The following SPHKAP variants were observed in gnomAD, a reference collection of about 807,000 sequenced individuals.
SPHKAP encodes SPHK1 interactor, AKAP domain containing, also known as A-kinase anchor protein SPHKAP.
SPHKAP carries 67 observed loss-of-function variants against 137.5 expected under a neutral mutation model. That is an observed-to-expected ratio of 0.49 (90% CI 0.40 to 0.60). The LOEUF (loss-of-function observed/expected upper bound fraction) is 0.60. Ranked by LOEUF, SPHKAP falls within the 20% of genes least tolerant of loss-of-function variation. The probability of loss-of-function intolerance (pLI) is 0.00; values close to 1 mark genes in which losing one functional copy is unlikely to be tolerated. For synonymous variants in SPHKAP, 813 were observed against 785.3 expected (o/e 1.04, Z -0.59); for missense variants, 2,097 against 2,069.3 (o/e 1.01, Z -0.26).
chr2:228,000,526 G>A (rs1693815885), intron 7 of SPHKAP, among the ~76,000 whole-genome samples: 1 of 152,066 alleles, frequency 6.6e-6, no homozygotes, highest in African/African-American at 2.4e-5. Flanking sequence ...GCTGAGGCAG[G>A]AGAATCGCTT....
rs564397810 is a variant in SPHKAP at position 228,033,636 on chromosome 2, A to T, written c.247-6093T>A. 6.6e-5 allele frequency among the ~76,000 whole-genome samples: 10 copies of T among 152,294 alleles called. No homozygotes were observed. The East Asian group carries it at 1.9e-3, about 29-fold the overall frequency. ...TTGACCATATAGTTGGAAGTAAAGC[A>T]TTCCTCAGCAAATGTAAAAGAACAG... is the stretch of plus-strand genomic sequence containing the variant. On this transcript the variant is annotated intron_variant, in intron 3 of 11. Transcript: ENST00000392056.
At chr2:228,045,452 C>T (rs1435948830) in intron 3 of SPHKAP, among the ~76,000 whole-genome samples, 2 of 147,940 alleles carry the variant, frequency 1.4e-5, no homozygotes, top group East Asian at 3.9e-4. Flanking sequence ...TTTGTAGGGA[C>T]ATGGATGAAG....
intron 3 of SPHKAP, among the ~76,000 whole-genome samples, chr2:228,069,096 G>A (rs1034920685): frequency 1.1e-4 from 16 of 152,160 alleles, no homozygotes; most frequent in East Asian, 7.8e-4. Flanking sequence ...GCAAAACCCC[G>A]TCTCTACTAA....
chr2:228,147,877 A>G (rs572640375), intron 1 of SPHKAP, among the ~76,000 whole-genome samples: 1 of 152,270 alleles, frequency 6.6e-6, no homozygotes, highest in South Asian at 2.1e-4. Flanking sequence ...CAGGCTTAGC[A>G]TTTACTCAGT....
Position 228,017,781 on chromosome 2 carries a change from A to C in SPHKAP, c.3073T>G (p.Ser1025Ala). 1 of 1,613,908 alleles carries C rather than the reference A, an allele frequency of 6.2e-7. No individual in the cohort carries two copies. Among genetic ancestry groups the C allele is most frequent in the South Asian group, 1.1e-5 (1 of 91,060 alleles). Residue 1025 changes from serine to alanine, a missense_variant, in exon 7 of 12, where the codon TCC becomes GCC. Ser to Ala is a moderately conservative substitution (Grantham distance 99, BLOSUM62 1). Transcript: ENST00000392056. ...TCTGGGACATCTTCAAGGTTCATGGACTCATCCACAACCCTGTTCATCAGC... is the reference window on the plus strand; with the variant it reads ...TCTGGGACATCTTCAAGGTTCATGGCCTCATCCACAACCCTGTTCATCAGC... ...EKLMNRVVDE[S>A]MNLEDVPDSV...
At chr2:228,089,915 G>A (rs1469925938) in intron 3 of SPHKAP, among the ~76,000 whole-genome samples, 1 of 152,206 alleles carries the variant, frequency 6.6e-6, no homozygotes. Flanking sequence ...GGTACCCAGA[G>A]GCAGAAGGCC....
At chr2:227,985,304 G>A (rs1693173235) in intron 11 of SPHKAP, among the ~76,000 whole-genome samples, 1 of 152,084 alleles carries the variant, frequency 6.6e-6, no homozygotes. Context: ...TGGATATTGA[G>A]ACCTGGAAAC....
chr2:228,161,250 C>T (rs772058630), intron 1 of SPHKAP, among the ~76,000 whole-genome samples: 4 of 152,202 alleles, frequency 2.6e-5, no homozygotes, highest in Non-Finnish European at 5.9e-5. Flanking sequence ...CTAGCTACTG[C>T]GTAGACAGTG....
intron 1 of SPHKAP, among the ~76,000 whole-genome samples, chr2:228,178,816 C>T (rs1190121740): frequency 6.6e-6 from 1 of 151,766 alleles, no homozygotes; most frequent in Non-Finnish European, 1.5e-5. Flanking sequence ...ATCTGTGACG[C>T]AATCCACATA....
At chr2:228,071,614 C>T (rs916544304) in intron 3 of SPHKAP, among the ~76,000 whole-genome samples, 82 of 152,164 alleles carry the variant, frequency 5.4e-4, no homozygotes, top group African/African-American at 1.9e-3. Flanking sequence ...AGAGATATTT[C>T]ACAAAAAGTG....
Position 228,030,244 on chromosome 2 carries a change from G to A in SPHKAP, c.247-2701C>T, listed in dbSNP as rs189624101. On this transcript the variant is annotated intron_variant, in intron 3 of 11. Coordinates refer to ENST00000392056, the MANE Select transcript of SPHKAP (RefSeq NM_001142644.2). ...AAGAAATGGAATAACGGCCGCGTAC[G>A]GTGGCTCACGCCTGTAATCCCAGCA... 8.6e-5 allele frequency among the ~76,000 whole-genome samples: 13 copies of A among 152,020 alleles called. No homozygotes were observed. The East Asian group carries it at 1.5e-3, about 18-fold the overall frequency.
intron 3 of SPHKAP, among the ~76,000 whole-genome samples, chr2:228,088,220 CA>C (rs1348405179): frequency 6.6e-6 from 1 of 151,866 alleles, no homozygotes; most frequent in East Asian, 1.9e-4. Flanking sequence ...CTTTAATAGG[CA>C]TAAAATTATA....
intron 3 of SPHKAP, among the ~76,000 whole-genome samples, chr2:228,052,831 T>C (rs1294022354): frequency 6.6e-6 from 1 of 152,156 alleles, no homozygotes; most frequent in Non-Finnish European, 1.5e-5. Context: ...CATTTATATT[T>C]AAGAATGATG....
intron 3 of SPHKAP, among the ~76,000 whole-genome samples, chr2:228,054,297 G>A (rs1696360654): frequency 1.3e-5 from 2 of 152,096 alleles, no homozygotes; most frequent in Admixed American, 1.3e-4. Flanking sequence ...TAGATAAAGT[G>A]CATATGAGGG....
chr2:228,174,009 T>C (rs1185749122), intron 1 of SPHKAP, among the ~76,000 whole-genome samples: 2 of 152,210 alleles, frequency 1.3e-5, no homozygotes, highest in Non-Finnish European at 2.9e-5. Context: ...TGTCACCTCT[T>C]CTACCTTAAG....
At chr2:228,093,451 C>A (rs1421664881) in intron 3 of SPHKAP, among the ~76,000 whole-genome samples, 2 of 152,124 alleles carry the variant, frequency 1.3e-5, no homozygotes, top group Non-Finnish European at 2.9e-5. Context: ...AAAAGAAATA[C>A]AATACTGATA....
intron 3 of SPHKAP, among the ~76,000 whole-genome samples, chr2:228,063,155 T>C (rs961392227): frequency 3.6e-5 from 5 of 139,670 alleles, no homozygotes; most frequent in Admixed American, 7.1e-5. Flanking sequence ...TATCTATCTA[T>C]CTATCTATCT....
chr2:227,995,998 T>G (rs1322766640), intron 7 of SPHKAP: 2 of 985,302 alleles, frequency 2.0e-6, no homozygotes, highest in Non-Finnish European at 2.4e-6. Context: ...GGGACAATGA[T>G]GTTTAAAAAG....
intron 3 of SPHKAP, among the ~76,000 whole-genome samples, chr2:228,086,763 C>G (rs1043424355): frequency 6.6e-6 from 1 of 152,074 alleles, no homozygotes; most frequent in Non-Finnish European, 1.5e-5. Context: ...CTCAAAGGAA[C>G]TAAGTGTATT....
Sources: allele counts gnomAD v4.1 joint callset (sites outside exome capture counted in the v4.1 genomes callset), GRCh38; gene constraint gnomAD v4.1.1; transcripts MANE v1.5; gene names NCBI Gene and HGNC (gene_info 2026-07-23, HGNC 2026-07-21).